The following COL25A1 variants were observed in gnomAD, a reference collection of about 807,000 sequenced individuals.
COL25A1 encodes the protein collagen type XXV alpha 1 chain.
COL25A1 carries 103 observed loss-of-function variants against 128.4 expected under a neutral mutation model. That is an observed-to-expected ratio of 0.80 (90% CI 0.68 to 0.94). COL25A1 has a LOEUF of 0.94. Ranked by LOEUF, COL25A1 falls within the 40% of genes least tolerant of loss-of-function variation. The pLI, the probability that COL25A1 is intolerant of heterozygous loss-of-function variation, is 0.00. For missense variants in COL25A1, 745 were observed against 840.0 expected, an observed-to-expected ratio of 0.89 and a Z score of 1.40; for synonymous variants, 279 against 277.2, an observed-to-expected ratio of 1.01 and a Z score of -0.06.
chr4:109,218,496 C>T (rs1375731434), intron 3 of COL25A1, among the ~76,000 whole-genome samples: 1 of 151,364 alleles, frequency 6.6e-6, no homozygotes, highest in Non-Finnish European at 1.5e-5. Flanking sequence ...TGCCTCCACC[C>T]ATCTCAGATT....
intron 3 of COL25A1, among the ~76,000 whole-genome samples, chr4:109,126,374 A>G (rs759686073): frequency 1.3e-5 from 2 of 152,166 alleles, no homozygotes; most frequent in African/African-American, 4.8e-5. Context: ...CAACTCTGAA[A>G]ACAAGAAGGT....
At chr4:109,090,734 T>G (rs1299566905) in intron 3 of COL25A1, among the ~76,000 whole-genome samples, 2 of 152,198 alleles carry the variant, frequency 1.3e-5, no homozygotes, top group Non-Finnish European at 2.9e-5. Flanking sequence ...ATTTGAAAGT[T>G]TATTTTCTGA....
At chr4:108,858,678 G>T (rs1736805511) in intron 24 of COL25A1, among the ~76,000 whole-genome samples, 1 of 152,086 alleles carries the variant, frequency 6.6e-6, no homozygotes, top group Non-Finnish European at 1.5e-5. Context: ...AGAGATGAAA[G>T]AATTGAGAGC....
intron 32 of COL25A1, among the ~76,000 whole-genome samples, chr4:108,829,717 C>G (rs1364490540): frequency 1.3e-5 from 2 of 152,152 alleles, no homozygotes; most frequent in Non-Finnish European, 2.9e-5. Flanking sequence ...TGTGAAACTA[C>G]TCTTCTAGAA....
chr4:109,106,456 T>C (rs1489608614), intron 3 of COL25A1, among the ~76,000 whole-genome samples: 2 of 152,146 alleles, frequency 1.3e-5, no homozygotes, highest in Non-Finnish European at 2.9e-5. Flanking sequence ...TCTGATACTG[T>C]ACACTTTACA....
intron 6 of COL25A1, among the ~76,000 whole-genome samples, chr4:108,995,797 G>C (rs1393957081): frequency 6.6e-6 from 1 of 152,182 alleles, no homozygotes; most frequent in Non-Finnish European, 1.5e-5. Flanking sequence ...AGCCAGAAGA[G>C]AGTGGGGGCC....
intron 3 of COL25A1, among the ~76,000 whole-genome samples, chr4:109,268,727 T>C (rs1781961473): frequency 6.6e-6 from 1 of 152,032 alleles, no homozygotes; most frequent in South Asian, 2.1e-4. Context: ...AGGAAACAAA[T>C]CGAGATGCCT....
chr4:109,150,721 T>C (rs1771417245), intron 3 of COL25A1, among the ~76,000 whole-genome samples: 1 of 152,156 alleles, frequency 6.6e-6, no homozygotes, highest in African/African-American at 2.4e-5. Context: ...AAATATTATA[T>C]ACACATTTAT....
intron 11 of COL25A1, among the ~76,000 whole-genome samples, chr4:108,930,539 G>A (rs1018579855): frequency 1.3e-5 from 2 of 152,202 alleles, no homozygotes; most frequent in Non-Finnish European, 2.9e-5. Context: ...TATTTTGAGG[G>A]GGATAGATGA....
chr4:109,126,111 A>G (rs1206119228), intron 3 of COL25A1, among the ~76,000 whole-genome samples: 6 of 152,088 alleles, frequency 3.9e-5, no homozygotes, highest in Non-Finnish European at 7.4e-5. Context: ...AAATTTTATT[A>G]TTTTGCTACT....
At chr4:109,049,894 A>G (rs1760824399) in intron 4 of COL25A1, among the ~76,000 whole-genome samples, 1 of 152,236 alleles carries the variant, frequency 6.6e-6, no homozygotes, top group South Asian at 2.1e-4. Flanking sequence ...CCAAATGGGT[A>G]CCAATTGTTA....
intron 3 of COL25A1, among the ~76,000 whole-genome samples, chr4:109,245,826 C>T (rs1780219413): frequency 6.6e-6 from 1 of 151,922 alleles, no homozygotes; most frequent in Non-Finnish European, 1.5e-5. Context: ...AGCAAAAAAA[C>T]AACTCAATGA....
intron 13 of COL25A1, among the ~76,000 whole-genome samples, chr4:108,902,131 T>G (rs1742914580): frequency 6.6e-6 from 1 of 152,042 alleles, no homozygotes; most frequent in African/African-American, 2.4e-5. Context: ...CACTGCAAAC[T>G]TAATTGATTT....
At chr4:109,134,243 TAGG>T (rs1460349612) in intron 3 of COL25A1, among the ~76,000 whole-genome samples, 1 of 150,676 alleles carries the variant, frequency 6.6e-6, no homozygotes, top group Non-Finnish European at 1.5e-5. Context: ...GAGTCGTAAG[TAGG>T]AGATGATAGG....
chr4:109,191,999 G>A (rs1775661499), intron 3 of COL25A1, among the ~76,000 whole-genome samples: 1 of 152,228 alleles, frequency 6.6e-6, no homozygotes. Flanking sequence ...ATTCCAACAA[G>A]AAGTGTCAGA....
chr4:109,160,446 C>T (rs1476445809), intron 3 of COL25A1, among the ~76,000 whole-genome samples: 1 of 151,932 alleles, frequency 6.6e-6, no homozygotes, highest in Non-Finnish European at 1.5e-5. Context: ...CATACTTAAC[C>T]CTAAGTAATA....
intron 6 of COL25A1, among the ~76,000 whole-genome samples, chr4:108,982,805 G>C (rs1284899827): frequency 6.6e-6 from 1 of 152,146 alleles, no homozygotes; most frequent in Non-Finnish European, 1.5e-5. Context: ...ATTTTCCACA[G>C]TAAGATCATA....
intron 3 of COL25A1, among the ~76,000 whole-genome samples, chr4:109,051,713 A>G (rs1225027608): frequency 2.6e-5 from 4 of 152,040 alleles, no homozygotes; most frequent in Non-Finnish European, 5.9e-5. Flanking sequence ...GTATAACATC[A>G]CTTAAACTAA....
chr4:108,884,228 C>A lies in COL25A1; in HGVS notation c.976-6G>T. ...CCAGGAAGCCCTGGTTCACCCTACACAGGAAAATCATATAGCATTATAGAA... is the reference window on the plus strand; with the variant it reads ...CCAGGAAGCCCTGGTTCACCCTACAAAGGAAAATCATATAGCATTATAGAA... On this transcript the variant is annotated splice_polypyrimidine_tract_variant and splice_region_variant and intron_variant, in intron 18 of 37. Transcript: ENST00000399132. 6.2e-7 allele frequency: 1 copy of A among 1,612,710 alleles called. No homozygotes were observed.
Sources: allele counts gnomAD v4.1 joint callset (sites outside exome capture counted in the v4.1 genomes callset), GRCh38; gene constraint gnomAD v4.1.1; transcripts MANE v1.5; gene names NCBI Gene and HGNC (gene_info 2026-07-23, HGNC 2026-07-21).